Variants in TNKS observed in about 807,000 individuals in gnomAD.
The protein encoded by TNKS is poly [ADP-ribose] polymerase tankyrase-1.
TNKS carries 72 observed loss-of-function variants against 135.8 expected under a neutral mutation model. That is an observed-to-expected ratio of 0.53 (90% CI 0.44 to 0.64). The LOEUF is 0.64. TNKS is among the 30% of genes least tolerant of loss of function. The pLI, the probability that TNKS is intolerant of heterozygous loss-of-function variation, is 0.00. For missense variants in TNKS, 1,769 were observed against 1,674.0 expected, an observed-to-expected ratio of 1.06 and a Z score of -0.99; for synonymous variants, 849 against 649.3, an observed-to-expected ratio of 1.31 and a Z score of -4.68.
intron 1 of TNKS, among the ~76,000 whole-genome samples, chr8:9,559,494 T>C (rs1049982583): frequency 2.0e-5 from 3 of 152,306 alleles, no homozygotes; most frequent in Middle Eastern, 3.4e-3. Flanking sequence ...GTTTGTTACA[T>C]GGGTAAATTG....
chr8:9,702,298 T>C (rs1803839140), intron 5 of TNKS, among the ~76,000 whole-genome samples: 3 of 151,678 alleles, frequency 2.0e-5, no homozygotes, highest in Non-Finnish European at 4.4e-5. Context: ...TGGGCATGCA[T>C]GCGTGTGCGT....
At chr8:9,602,150 C>T (rs1216571681) in intron 2 of TNKS, among the ~76,000 whole-genome samples, 1 of 152,116 alleles carries the variant, frequency 6.6e-6, no homozygotes, top group Non-Finnish European at 1.5e-5. Flanking sequence ...CAGCTCCCCG[C>T]CGTTAAGTGC....
At chr8:9,556,869 C>G (rs940407609) in intron 1 of TNKS, 7 of 577,364 alleles carry the variant, frequency 1.2e-5, no homozygotes, top group Admixed American at 3.0e-5. Flanking sequence ...AGTTGGTAGT[C>G]TCTGCATATG....
At chr8:9,598,753 A>C (rs1270896285) in intron 2 of TNKS, among the ~76,000 whole-genome samples, 6 of 73,254 alleles carry the variant, frequency 8.2e-5, no homozygotes, top group Admixed American at 1.8e-4. Context: ...GTATATATGT[A>C]TATGTGTGTG....
chr8:9,717,072 AATAT>A (rs368231440), intron 11 of TNKS, among the ~76,000 whole-genome samples: 18,134 of 80,532 alleles, frequency 0.23, 2,716 homozygotes, highest in East Asian at 0.36. Flanking sequence ...GTTGTATTAT[AATAT>A]ATATATATAT....
At chr8:9,577,712 C>T (rs1444697904) in intron 1 of TNKS, among the ~76,000 whole-genome samples, 5 of 152,104 alleles carry the variant, frequency 3.3e-5, no homozygotes, top group Non-Finnish European at 7.4e-5. Context: ...TGGGTGGGGC[C>T]ACAAATCCAA....
chr8:9,741,107 G>C (rs1438152647), intron 17 of TNKS: 7 of 152,062 alleles, frequency 4.6e-5, no homozygotes, highest in Non-Finnish European at 1.0e-4. Context: ...CACCACGCCC[G>C]GCCTACATGT....
At chr8:9,746,215 T>C (rs1439705596) in intron 17 of TNKS, among the ~76,000 whole-genome samples, 1 of 152,216 alleles carries the variant, frequency 6.6e-6, no homozygotes, top group African/African-American at 2.4e-5. Context: ...GGAGTTGAAA[T>C]GGATCTCAGA....
At chr8:9,702,475 G>T (rs7002141) in intron 5 of TNKS, among the ~76,000 whole-genome samples, 152,295 of 152,352 alleles carry the variant, frequency 1, 76,119 homozygotes, top group Middle Eastern at 1. Flanking sequence ...AGATTTCTAG[G>T]CTTGAAACAA....
intron 3 of TNKS, among the ~76,000 whole-genome samples, chr8:9,656,827 C>G (rs1422364595): frequency 1.8e-4 from 26 of 141,894 alleles, no homozygotes; most frequent in African/African-American, 3.5e-4. Context: ...CGACTCTTAA[C>G]GAGCATGCTG....
rs554535675 is a variant in TNKS at position 9,692,570 on chromosome 8, C to A, written c.1107+11770C>A. 4.6e-5 allele frequency among the ~76,000 whole-genome samples: 7 copies of A among 152,302 alleles called. No individual in the cohort carries two copies. The East Asian group carries it at 1.3e-3, about 29-fold the overall frequency. Reference sequence around the variant, plus strand: ...GCTCTAAGAACAGTGCTTGAAAGAACCGCTGACCAAGAGGTCCAGGACCAG... The same window carrying A: ...GCTCTAAGAACAGTGCTTGAAAGAAACGCTGACCAAGAGGTCCAGGACCAG... On this transcript the variant is annotated intron_variant, in intron 5 of 26. Coordinates refer to ENST00000310430, the MANE Select transcript of TNKS (RefSeq NM_003747.3).
chr8:9,609,556 G>T (rs1191344756), intron 2 of TNKS, among the ~76,000 whole-genome samples: 1 of 152,058 alleles, frequency 6.6e-6, no homozygotes, highest in Admixed American at 6.6e-5. Flanking sequence ...TATTTTTCTT[G>T]ATCAGTAATT....
At position 9,609,898 on chromosome 8, in the gene TNKS, G is replaced by T. The variant is rs4483157; in HGVS notation, c.899-5684G>T. Among the ~76,000 whole-genome samples, 545 of 151,768 alleles carry T rather than the reference G, an allele frequency of 3.6e-3. 2 individuals are homozygous for T. Among genetic ancestry groups the T allele is most frequent in the African/African-American group, 0.013 (522 of 41,344 alleles). On this transcript the variant is annotated intron_variant, in intron 2 of 26. Coordinates refer to ENST00000310430, the MANE Select transcript of TNKS (RefSeq NM_003747.3). ...TTTGAAGTGGAGTCTCGCTCTGTCG[G>T]CCAGGCTGGAGTGCAGTGGCACAAT...
intron 2 of TNKS, among the ~76,000 whole-genome samples, chr8:9,613,556 A>T (rs773095072): frequency 1.3e-5 from 2 of 152,332 alleles, no homozygotes; most frequent in African/African-American, 4.8e-5. Flanking sequence ...TGTTATCAGC[A>T]TCTGGTTTAG....
In TNKS at chr8:9,726,177, G is replaced by A. The variant is rs1160302816; in HGVS notation, c.1922-464G>A. ...AGGCTGAAGCAGGAGGATCACTTGA[G>A]CCCAGGAGTTTGTGACCAGCCTGGG... On this transcript the variant is annotated intron_variant, in intron 12 of 26. Coordinates refer to ENST00000310430, the MANE Select transcript of TNKS (RefSeq NM_003747.3). Among the ~76,000 whole-genome samples, 4 of 152,148 alleles carry A rather than the reference G, an allele frequency of 2.6e-5. No homozygotes were observed. The East Asian group carries it at 7.7e-4, about 29-fold the overall frequency.
rs1808403901 is a variant in TNKS at position 9,780,318 on chromosome 8, T to G, written c.*3582T>G. The G allele has an allele frequency of 6.6e-6, 1 of 152,178 alleles. No homozygotes were observed. The highest frequency in any genetic ancestry group is 2.4e-5 in the African/African-American group (1 of 41,450). 9.4% of individuals were successfully genotyped at this position (152,178 alleles called of 1,614,324 possible). On this transcript the variant is annotated 3_prime_UTR_variant, in exon 27 of 27. Transcript: ENST00000310430. The stretch of plus-strand genomic sequence containing the variant: ...CCGAATCCCTCTTGTGTGATATCTG[T>G]GACAAATAGCCTTCTTCTTGTGTTT...
chr8:9,674,371 T>G (rs967975439), intron 3 of TNKS, among the ~76,000 whole-genome samples: 1 of 152,134 alleles, frequency 6.6e-6, no homozygotes, highest in Non-Finnish European at 1.5e-5. Context: ...ACATGTTTCA[T>G]GGTAATGAAG....
intron 1 of TNKS, among the ~76,000 whole-genome samples, chr8:9,577,623 G>A (rs186964264): frequency 6.6e-6 from 1 of 152,182 alleles, no homozygotes; most frequent in South Asian, 2.1e-4. Flanking sequence ...ACAGCAAGAG[G>A]GAAATCTGCC....
intron 3 of TNKS, among the ~76,000 whole-genome samples, chr8:9,631,365 T>C (rs185234016): frequency 7.9e-4 from 121 of 152,316 alleles, no homozygotes; most frequent in African/African-American, 2.7e-3. Flanking sequence ...TCCTGCTCCA[T>C]TGAGTTATGA....
Sources: gnomAD v4.1 joint callset for allele counts (sites outside exome capture counted in the v4.1 genomes callset) on GRCh38, gnomAD v4.1.1 for gene constraint, MANE v1.5 for transcripts, NCBI Gene and HGNC (gene_info 2026-07-23, HGNC 2026-07-21) for gene names.